The following CACNA2D2 variants were observed in gnomAD, a reference collection of about 807,000 sequenced individuals.
CACNA2D2 encodes calcium voltage-gated channel auxiliary subunit alpha2delta 2.
Under a neutral mutation model 166.4 loss-of-function variants are expected in CACNA2D2, and 48 were observed. That is an observed-to-expected ratio of 0.29 (90% confidence interval 0.23 to 0.37). The LOEUF (loss-of-function observed/expected upper bound fraction) is 0.37. Among genes scored for constraint, CACNA2D2 ranks in the 10% least tolerant of loss-of-function variants. The pLI, the probability that CACNA2D2 is intolerant of heterozygous loss-of-function variation, is 1.00. For missense variants in CACNA2D2, 1,122 were observed against 1,433.0 expected, an observed-to-expected ratio of 0.78 and a Z score of 3.50; for synonymous variants, 561 against 573.7, an observed-to-expected ratio of 0.98 and a Z score of 0.32.
intron 2 of CACNA2D2, among the ~76,000 whole-genome samples, chr3:50,454,314 C>T (rs1422720765): frequency 6.6e-6 from 1 of 152,212 alleles, no homozygotes; most frequent in Non-Finnish European, 1.5e-5. Context: ...CCGCTGTGTA[C>T]GCAGAGTGCC....
intron 1 of CACNA2D2, among the ~76,000 whole-genome samples, chr3:50,480,618 G>A (rs13085065): frequency 2.0e-5 from 3 of 151,496 alleles, no homozygotes; most frequent in Non-Finnish European, 4.4e-5. Flanking sequence ...AGTTGGGGAG[G>A]GAGAGGGGAT....
intron 2 of CACNA2D2, among the ~76,000 whole-genome samples, chr3:50,435,128 T>C (rs939092139): frequency 1.5e-5 from 2 of 137,092 alleles, no homozygotes; most frequent in Non-Finnish European, 3.0e-5. Context: ...GCAGTGTAAA[T>C]CTGAGGGTGT....
chr3:50,487,860 T>C (rs1008357136), intron 1 of CACNA2D2, among the ~76,000 whole-genome samples: 2 of 152,148 alleles, frequency 1.3e-5, no homozygotes, highest in Non-Finnish European at 2.9e-5. Context: ...CACTCACTCA[T>C]TCATTCATTC....
chr3:50,365,778 C>G lies in CACNA2D2; in HGVS notation c.2915+32G>C. 6.2e-7 allele frequency: 1 copy of G among 1,613,258 alleles called. No homozygotes were observed. The highest frequency in any genetic ancestry group is 8.5e-7 in the Non-Finnish European group (1 of 1,179,892). On this transcript the variant is annotated intron_variant, in intron 33 of 37. Coordinates refer to ENST00000424201, the MANE Select transcript of CACNA2D2 (RefSeq NM_006030.4). This position sits in a 1 kb window ranked among gnomAD's most constrained non-coding sequence, Gnocchi z 4.5. ...TCTGAGCCCTCCCGGCCAGGGAGCA[C>G]CTTCTCTACCCACCTCCCGCTCAGG...
At chr3:50,399,490 T>C in intron 3 of CACNA2D2, among the ~76,000 whole-genome samples, 1 of 152,082 alleles carries the variant, frequency 6.6e-6, no homozygotes, top group East Asian at 1.9e-4. Context: ...GGGTGGAGGC[T>C]GGGGGTAGTA....
intron 3 of CACNA2D2, among the ~76,000 whole-genome samples, chr3:50,410,903 C>T (rs1706980514): frequency 6.6e-6 from 1 of 152,248 alleles, no homozygotes; most frequent in South Asian, 2.1e-4. Context: ...TACATAAACA[C>T]ATGTGCACAT....
chr3:50,380,571 G>A lies in CACNA2D2; in HGVS notation c.842+177C>T, dbSNP rs1177598680. 6.6e-6 allele frequency among the ~76,000 whole-genome samples: 1 copy of A among 152,204 alleles called. No homozygotes were observed. Among genetic ancestry groups the A allele is most frequent in the African/African-American group, 2.4e-5 (1 of 41,440 alleles). ...GCAGTGGACGGGGGGCATGGCAGCT[G>A]GGAGGCCTGCCTGGGTGATGGGATC... On this transcript the variant is annotated intron_variant, in intron 8 of 37. Transcript: ENST00000424201. The surrounding 1 kb of genome is among the most constrained non-coding windows in gnomAD (Gnocchi z 4.9).
In CACNA2D2 at chr3:50,429,770, G is replaced by GA. The variant is rs777336718; in HGVS notation, c.405+4542dup. 4.3e-3 allele frequency among the ~76,000 whole-genome samples: 588 copies of GA among 135,436 alleles called. 4 individuals are homozygous for GA. The highest frequency in any genetic ancestry group is 9.5e-3 in the African/African-American group (354 of 37,108). The allele number at this position is 135,436 out of a possible 152,430, so 88.9% of individuals were successfully genotyped here. A position where few individuals can be genotyped will look rare whatever the true frequency, so the allele number is the denominator to read the frequency against. On this transcript the variant is annotated intron_variant, in intron 3 of 37. Coordinates refer to ENST00000424201, the MANE Select transcript of CACNA2D2 (RefSeq NM_006030.4). ...GGGCGACAGAGTGAGACTCCGTCTC[G>GA]AAAAAAAAAAAAAATCCCTGAACTC...
intron 3 of CACNA2D2, among the ~76,000 whole-genome samples, chr3:50,416,376 C>T (rs191200011): frequency 9.8e-5 from 15 of 152,328 alleles, no homozygotes; most frequent in Admixed American, 7.8e-4. Context: ...AGCAGAGGCC[C>T]GGCTGAGACC....
Position 50,362,891 on chromosome 3 carries a change from T to C in CACNA2D2, c.*1775A>G, listed in dbSNP as rs1704004655. On this transcript the variant is annotated 3_prime_UTR_variant, in exon 38 of 38. Coordinates refer to ENST00000424201, the MANE Select transcript of CACNA2D2 (RefSeq NM_006030.4). Reference sequence around the variant, plus strand: ...ACAAGGAATCACACACACGATATTTTACAAAGTTTCTTGACTTTTTTGTCG... The same window carrying C: ...ACAAGGAATCACACACACGATATTTCACAAAGTTTCTTGACTTTTTTGTCG... The C allele has an allele frequency of 1.0e-5, 4 of 386,966 alleles. No individual in the cohort carries two copies. Among genetic ancestry groups the C allele is most frequent in the Admixed American group, 4.5e-5 (1 of 22,384 alleles). 24.0% of individuals were successfully genotyped at this position (386,966 alleles called of 1,614,324 possible).
At chr3:50,486,067 G>C (rs1467915) in intron 1 of CACNA2D2, among the ~76,000 whole-genome samples, 20,910 of 152,010 alleles carry the variant, frequency 0.14, 1,622 homozygotes, top group East Asian at 0.32. Context: ...CAGAAGTCCT[G>C]CCCGGGCCCA....
chr3:50,502,821 G>A (rs1350253559), intron 1 of CACNA2D2, among the ~76,000 whole-genome samples: 1 of 152,232 alleles, frequency 6.6e-6, no homozygotes, highest in Non-Finnish European at 1.5e-5. Flanking sequence ...GGAACGTGGG[G>A]CAGATGCGCG....
At chr3:50,469,431 T>C (rs1466770570) in intron 2 of CACNA2D2, among the ~76,000 whole-genome samples, 4 of 152,080 alleles carry the variant, frequency 2.6e-5, no homozygotes, top group African/African-American at 9.7e-5. Flanking sequence ...GGGACCAGTT[T>C]CTAAACCCCT....
At chr3:50,495,811 G>C (rs776858310) in intron 1 of CACNA2D2, among the ~76,000 whole-genome samples, 1 of 152,154 alleles carries the variant, frequency 6.6e-6, no homozygotes, top group Non-Finnish European at 1.5e-5. Flanking sequence ...CAGGCTCCAC[G>C]CCCACCCTCC....
intron 3 of CACNA2D2, among the ~76,000 whole-genome samples, chr3:50,401,441 C>T (rs1014846350): frequency 3.9e-5 from 6 of 152,046 alleles, no homozygotes; most frequent in Admixed American, 2.0e-4. Context: ...CTGGAAGGGG[C>T]AGGCTGTGCT....
rs866704545 is a variant in CACNA2D2 at position 50,382,023 on chromosome 3, A to C, written c.653-897T>G. Among the ~76,000 whole-genome samples, 22 of 117,258 alleles carry C rather than the reference A, an allele frequency of 1.9e-4. No individual in the cohort carries two copies. The East Asian group carries it at 3.6e-3, about 19-fold the overall frequency. The allele number at this position is 117,258 out of a possible 152,430, so 76.9% of individuals were successfully genotyped here. A position where few individuals can be genotyped will look rare whatever the true frequency, so the allele number is the denominator to read the frequency against. On this transcript the variant is annotated intron_variant, in intron 6 of 37. Transcript: ENST00000424201. ...ACACACACACACACACACACACACA[A>C]ACAAGGCTCCTCTCAGAGAATGGAC...
intron 3 of CACNA2D2, among the ~76,000 whole-genome samples, chr3:50,422,015 C>A (rs1707591167): frequency 6.6e-6 from 1 of 152,134 alleles, no homozygotes; most frequent in Non-Finnish European, 1.5e-5. Flanking sequence ...TGCCTTCTCA[C>A]CCTGCAGTCT....
intron 13 of CACNA2D2, among the ~76,000 whole-genome samples, chr3:50,378,684 C>T (rs587691377): frequency 4.7e-4 from 72 of 152,358 alleles, no homozygotes; most frequent in Non-Finnish European, 7.8e-4. Flanking sequence ...CAGGAGTAGA[C>T]AAGCTGGGGG....
At chr3:50,413,127 T>C (rs1334883922) in intron 3 of CACNA2D2, among the ~76,000 whole-genome samples, 1 of 152,100 alleles carries the variant, frequency 6.6e-6, no homozygotes, top group East Asian at 1.9e-4. Flanking sequence ...CAGCTGCTGC[T>C]GCCGCTGCCA....
Sources: gnomAD v4.1 joint callset for allele counts (sites outside exome capture counted in the v4.1 genomes callset) on GRCh38, gnomAD v4.1.1 for gene constraint, Gnocchi (gnomAD v3.1) non-coding constraint, MANE v1.5 for transcripts, NCBI Gene and HGNC (gene_info 2026-07-23, HGNC 2026-07-21) for gene names.